Variants in DNAH10 observed in about 807,000 individuals in gnomAD.
DNAH10 encodes axonemal beta dynein heavy chain 10.
A neutral mutation model predicts 506.6 loss-of-function variants in DNAH10; 348 were observed. The ratio of observed to expected loss-of-function variants is 0.69; its 90% CI spans 0.63 to 0.75. The LOEUF is 0.75. Ranked by LOEUF, DNAH10 falls within the 30% of genes least tolerant of loss-of-function variation. DNAH10 has a pLI of 0.00. For missense variants in DNAH10, 5,179 were observed against 5,787.1 expected (o/e 0.89, Z 3.41); for synonymous variants, 2,059 against 2,198.6 (o/e 0.94, Z 1.78).
intron 76 of DNAH10, among the ~76,000 whole-genome samples, chr12:123,933,077 A>G (rs1172039222): frequency 6.6e-6 from 1 of 152,234 alleles, no homozygotes; most frequent in Non-Finnish European, 1.5e-5. Context: ...CTACTCCACG[A>G]TATGAAAGCA....
chr12:123,898,876 G>C, intron 56 of DNAH10, 62 bp downstream of exon 56: 2 of 1,513,264 alleles, frequency 1.3e-6, no homozygotes, highest in Non-Finnish European at 1.8e-6. Flanking sequence ...GTAGGTGAGT[G>C]AGGGCGGGGC....
At position 123,931,465 on chromosome 12, in the gene DNAH10, T is replaced by C; in HGVS notation, c.12909T>C (p.Pro4303=). 3 of 1,613,656 alleles carry C rather than the reference T, an allele frequency of 1.9e-6. No individual in the cohort carries two copies. Among genetic ancestry groups the C allele is most frequent in the Non-Finnish European group, 2.5e-6 (3 of 1,179,696 alleles). Residue 4303 remains proline (P), a synonymous_variant, in exon 74 of 79, where the codon CCT becomes CCC. Transcript: ENST00000673944. ...DMWAHLLELQ[P]QTGESSSGIS... ...GGGCTCACCTGCTGGAGCTGCAGCC[T>C]CAGACAGGTAAACTCTACTCAGGAG... is the stretch of plus-strand genomic sequence containing the variant.
chr12:123,816,670 G>A (rs1206170670), intron 21 of DNAH10, among the ~76,000 whole-genome samples: 1 of 152,254 alleles, frequency 6.6e-6, no homozygotes, highest in African/African-American at 2.4e-5. Flanking sequence ...AAGGAGACGT[G>A]TGTGGGGGAA....
At chr12:123,819,700 G>GGTTTTTT (rs1555224051) in intron 23 of DNAH10, among the ~76,000 whole-genome samples, 1 of 101,840 alleles carries the variant, frequency 9.8e-6, no homozygotes, top group African/African-American at 4.0e-5. Flanking sequence ...CTAAAATTCT[G>GGTTTTTT]TTTTTTTTTT....
chr12:123,813,223 A>G lies in DNAH10; in HGVS notation c.3204A>G (p.Glu1068=), dbSNP rs770723304. The part of the protein sequence containing the change: ...CIECPPQKGE[E]EEVVIINFYN... ...AATGCCCACCTCAGAAGGGGGAGGA[A>G]GAGGAAGTTGTTATAATAAACTTTT... The change falls in exon 20 of 79, where the codon GAA becomes GAG. Residue 1068 remains glutamate (E), a synonymous_variant. Transcript: ENST00000673944. 1 of 1,614,016 alleles carries G rather than the reference A, an allele frequency of 6.2e-7. No homozygotes were observed. The highest frequency in any genetic ancestry group is 1.7e-5 in the Admixed American group (1 of 60,010).
chr12:123,928,681 A>T lies in DNAH10; in HGVS notation c.12306+94A>T. The stretch of plus-strand genomic sequence containing the variant: ...GGCCGGGGTGTGCCTTTGTCTGTGT[A>T]GAAATAAACCTTAGGCTGCAGGTGA... On this transcript the variant is annotated intron_variant, in intron 70 of 78. Transcript: ENST00000673944. The surrounding 1 kb of genome is among the most constrained non-coding windows in gnomAD (Gnocchi z 4.9). 12 of 1,382,844 alleles carry T rather than the reference A, an allele frequency of 8.7e-6. No homozygotes were observed. The highest frequency in any genetic ancestry group is 1.2e-5 in the Non-Finnish European group (12 of 1,028,478). The allele number at this position is 1,382,844 out of a possible 1,614,324, so 85.7% of individuals were successfully genotyped here.
At chr12:123,879,584 G>T in intron 49 of DNAH10, 50 bp from the exon 50 acceptor site, 5 of 1,608,040 alleles carry the variant, frequency 3.1e-6, no homozygotes, top group Non-Finnish European at 4.3e-6. Context: ...CAAGTTTCAG[G>T]CCGTGTACTG....
chr12:123,790,119 C>G lies in DNAH10; in HGVS notation c.1813C>G (p.Leu605Val). 6.2e-7 allele frequency: 1 copy of G among 1,613,928 alleles called. No homozygotes were observed. The highest frequency in any genetic ancestry group is 8.5e-7 in the Non-Finnish European group (1 of 1,179,896). The change falls in exon 11 of 79, where the codon CTG becomes GTG. Residue 605 changes from leucine (L) to valine (V), a missense_variant and splice_region_variant. Leu to Val is a conservative substitution (Grantham distance 32). Transcript: ENST00000673944. ...GATGGATGAATTCAAGATTGAAGTT[C>G]TGGCAAGTGACACGTCCATTGAGTC... ...YVMDEFKIEV[L>V]VIEKEAKHFI...
At chr12:123,860,325 T>A (rs1041231793) in intron 38 of DNAH10, among the ~76,000 whole-genome samples, 2 of 152,244 alleles carry the variant, frequency 1.3e-5, no homozygotes, top group Non-Finnish European at 2.9e-5. Context: ...TGACTCTAAG[T>A]GGGCTGTGCC....
At position 123,836,646 on chromosome 12, in the gene DNAH10, T is replaced by C. The variant is rs368194812; in HGVS notation, c.4902+1118T>C. ...AATTATAGGTGGCCAGTTCATGTTT[T>C]GATCTCTTTTATCCACTAGAGTTTA... On this transcript the variant is annotated intron_variant, in intron 28 of 78. Transcript: ENST00000673944. Among the ~76,000 whole-genome samples the C allele has an allele frequency of 2.0e-5, 3 of 152,350 alleles. No homozygotes were observed. The East Asian group carries it at 5.8e-4, about 29-fold the overall frequency.
intron 36 of DNAH10, 73 bp from the exon 37 acceptor site, chr12:123,856,983 G>A: frequency 8.3e-7 from 1 of 1,201,756 alleles, no homozygotes; most frequent in Admixed American, 2.5e-5. Context: ...TGTTACCACT[G>A]GGTTGGAAAC....
intron 30 of DNAH10, among the ~76,000 whole-genome samples, chr12:123,842,141 A>G (rs550160067): frequency 6.6e-6 from 1 of 152,346 alleles, no homozygotes; most frequent in Admixed American, 6.5e-5. Flanking sequence ...GCACCTGCCC[A>G]TCAGAACTCT....
At chr12:123,801,919 C>G (rs1958495666) in intron 16 of DNAH10, among the ~76,000 whole-genome samples, 1 of 152,194 alleles carries the variant, frequency 6.6e-6, no homozygotes, top group South Asian at 2.1e-4. Flanking sequence ...CTTGCCCTCT[C>G]CTTAATCCCT....
In DNAH10 at chr12:123,931,775, G is replaced by A. The variant is rs1955222268; in HGVS notation, c.13056G>A (p.Val4352=). 5.0e-6 allele frequency: 8 copies of A among 1,614,050 alleles called. No homozygotes were observed. The highest frequency in any genetic ancestry group is 1.3e-5 in the African/African-American group (1 of 75,056). ...LGTGLSPTSV[V]LLQELERFNK... is the part of the protein sequence containing the mutation. ...CAGGACTCTCCCCCACTTCGGTGGTGCTCCTGCAGGAACTGGAACGCTTCA... is the reference window on the plus strand; with the variant it reads ...CAGGACTCTCCCCCACTTCGGTGGTACTCCTGCAGGAACTGGAACGCTTCA... Residue 4352 remains valine, a synonymous_variant, in exon 75 of 79, where the codon GTG becomes GTA. Coordinates refer to ENST00000673944, the MANE Select transcript of DNAH10 (RefSeq NM_001372106.1).
chr12:123,787,930 T>C lies in DNAH10; in HGVS notation c.1548T>C (p.Phe516=). Residue 516 remains phenylalanine (F), a synonymous_variant, in exon 10 of 79, where the codon TTT becomes TTC. Coordinates refer to ENST00000673944, the MANE Select transcript of DNAH10 (RefSeq NM_001372106.1). This position sits in a 1 kb window ranked among gnomAD's most constrained non-coding sequence, Gnocchi z 4.6. Reference sequence around the variant, plus strand: ...CGGGGAGGGAAGATCGGTGGGAGTTTGACCGGAAGCGGCTGTTCGAGAGGA... The same window carrying C: ...CGGGGAGGGAAGATCGGTGGGAGTTCGACCGGAAGCGGCTGTTCGAGAGGA... ...EASGREDRWE[F]DRKRLFERTD... The C allele has an allele frequency of 6.2e-7, 1 of 1,607,862 alleles. No individual in the cohort carries two copies. The highest frequency in any genetic ancestry group is 1.3e-5 in the African/African-American group (1 of 75,012).
At chr12:123,815,674 G>T (rs1464828658) in intron 21 of DNAH10, among the ~76,000 whole-genome samples, 3 of 152,120 alleles carry the variant, frequency 2.0e-5, no homozygotes, top group East Asian at 1.9e-4. Flanking sequence ...TACAATAAGA[G>T]AAATATACAG....
At chr12:123,906,880 TA>T (rs1181193044) in intron 57 of DNAH10, among the ~76,000 whole-genome samples, 1 of 152,256 alleles carries the variant, frequency 6.6e-6, no homozygotes, top group Non-Finnish European at 1.5e-5. Context: ...CATTAAATGT[TA>T]AGGCAGGAAG....
chr12:123,780,149 T>C (rs1263675938), intron 5 of DNAH10, among the ~76,000 whole-genome samples: 3 of 133,238 alleles, frequency 2.3e-5, no homozygotes, highest in Non-Finnish European at 3.1e-5. Context: ...CCTCCCTCCT[T>C]TCTCTCTCTC....
intron 55 of DNAH10, 130 bp downstream of exon 55, chr12:123,898,097 TTG>T: frequency 1.1e-6 from 1 of 905,394 alleles, no homozygotes; most frequent in Non-Finnish European, 1.6e-6. Flanking sequence ...ATCTTGGATT[TTG>T]TGTCTTGGAG....
Sources: gnomAD v4.1 joint callset for allele counts (sites outside exome capture counted in the v4.1 genomes callset) on GRCh38, gnomAD v4.1.1 for gene constraint, Gnocchi (gnomAD v3.1) non-coding constraint, MANE v1.5 for transcripts, NCBI Gene and HGNC (gene_info 2026-07-23, HGNC 2026-07-21) for gene names.